The following SOX5 variants were observed in gnomAD, a reference collection of about 807,000 sequenced individuals.
SOX5 encodes SRY-box transcription factor 5, also known as transcription factor SOX-5.
Under a neutral mutation model 92.0 loss-of-function variants are expected in SOX5, and 9 were observed. The ratio of observed to expected loss-of-function variants is 0.10; its 90% CI spans 0.06 to 0.17. SOX5 has a LOEUF of 0.17. Among genes scored for constraint, SOX5 ranks in the 10% least tolerant of loss-of-function variants. The probability of loss-of-function intolerance (pLI) is 1.00; values close to 1 mark genes in which losing one functional copy is unlikely to be tolerated. For missense variants in SOX5, 642 were observed against 944.5 expected, an observed-to-expected ratio of 0.68 and a Z score of 4.20; for synonymous variants, 344 against 336.3, an observed-to-expected ratio of 1.02 and a Z score of -0.25.
At chr12:24,492,537 C>A (rs535888409) in intron 1 of SOX5, among the ~76,000 whole-genome samples, 15 of 152,216 alleles carry the variant, frequency 9.9e-5, no homozygotes, top group Non-Finnish European at 1.9e-4. Context: ...GAAAAGCAAT[C>A]ATTTCATAGA....
chr12:23,927,147 T>G (rs1194213708), intron 1 of SOX5, among the ~76,000 whole-genome samples: 2 of 152,138 alleles, frequency 1.3e-5, no homozygotes, highest in African/African-American at 4.8e-5. Context: ...TAAAACATTC[T>G]TATAAATTAG....
chr12:24,374,390 A>C (rs534059109), intron 1 of SOX5, among the ~76,000 whole-genome samples: 5 of 152,310 alleles, frequency 3.3e-5, no homozygotes, highest in Admixed American at 3.3e-4. Flanking sequence ...TAAAGGAAGG[A>C]AAACGTCTGG....
rs116354292 is a variant in SOX5 at position 24,398,739 on chromosome 12, A to G, written c.-250-30100T>C. Among the ~76,000 whole-genome samples, 784 of 152,296 alleles carry G rather than the reference A, an allele frequency of 5.1e-3. 12 individuals carry two copies. Among genetic ancestry groups the G allele is most frequent in the African/African-American group, 0.018 (741 of 41,562 alleles). ...CTTCTGTTTTGACTATGCATTGATAAACCCACATCCTCTGCTATTATTGCA... is the reference window on the plus strand; with the variant it reads ...CTTCTGTTTTGACTATGCATTGATAGACCCACATCCTCTGCTATTATTGCA... On this transcript the variant is annotated intron_variant, in intron 1 of 4. Coordinates refer to the SOX5 transcript ENST00000446891.
chr12:23,680,989 T>C (rs533856353), intron 6 of SOX5, among the ~76,000 whole-genome samples: 4 of 152,152 alleles, frequency 2.6e-5, no homozygotes, highest in Non-Finnish European at 4.4e-5. Flanking sequence ...AAAGGGAACC[T>C]AGAAGAAATA....
At chr12:24,218,460 A>G (rs1310254378) in intron 3 of SOX5, among the ~76,000 whole-genome samples, 1 of 152,172 alleles carries the variant, frequency 6.6e-6, no homozygotes, top group Non-Finnish European at 1.5e-5. Context: ...ATCAACGGCT[A>G]CCTAGAGTTA....
intron 6 of SOX5, among the ~76,000 whole-genome samples, chr12:23,695,556 T>C (rs2089662361): frequency 6.6e-6 from 1 of 152,190 alleles, no homozygotes; most frequent in South Asian, 2.1e-4. Context: ...ATAATGATTC[T>C]ATTGATAATG....
At chr12:24,143,012 C>T (rs1303736974) in intron 4 of SOX5, among the ~76,000 whole-genome samples, 1 of 152,086 alleles carries the variant, frequency 6.6e-6, no homozygotes, top group African/African-American at 2.4e-5. Flanking sequence ...GGGGTTTACA[C>T]AGGCTAGGAA....
chr12:24,047,315 T>C (rs1957140150), intron 4 of SOX5, among the ~76,000 whole-genome samples: 1 of 152,182 alleles, frequency 6.6e-6, no homozygotes, highest in African/African-American at 2.4e-5. Context: ...TACTTCTGCC[T>C]CAGAAAAATA....
intron 6 of SOX5, among the ~76,000 whole-genome samples, chr12:23,709,081 C>T (rs2091771451): frequency 6.6e-6 from 1 of 151,960 alleles, no homozygotes; most frequent in Admixed American, 6.6e-5. Context: ...AAAATGGGTT[C>T]AGGGAATCTT....
intron 1 of SOX5, among the ~76,000 whole-genome samples, chr12:24,554,415 A>T (rs745599658): frequency 1.3e-5 from 2 of 152,224 alleles, no homozygotes; most frequent in Admixed American, 6.5e-5. Flanking sequence ...AAGTAGAGAC[A>T]TTGAAGCAAC....
At chr12:23,899,246 A>T (rs2097207756) in intron 1 of SOX5, among the ~76,000 whole-genome samples, 1 of 152,070 alleles carries the variant, frequency 6.6e-6, no homozygotes, top group South Asian at 2.1e-4. Context: ...TACTAAAAAT[A>T]CAAAATTAGC....
intron 3 of SOX5, among the ~76,000 whole-genome samples, chr12:24,236,908 TC>T (rs1438174606): frequency 7.4e-6 from 1 of 134,636 alleles, no homozygotes; most frequent in Non-Finnish European, 1.7e-5. Context: ...TATCCACAAC[TC>T]AAAAAAAAAA....
At chr12:24,547,410 C>T (rs1345809602) in intron 1 of SOX5, among the ~76,000 whole-genome samples, 1 of 151,684 alleles carries the variant, frequency 6.6e-6, no homozygotes, top group Non-Finnish European at 1.5e-5. Context: ...CCAGGATGGT[C>T]TCGATCTCCT....
chr12:23,544,792 G>A (rs933029411), intron 12 of SOX5, among the ~76,000 whole-genome samples: 1 of 152,114 alleles, frequency 6.6e-6, no homozygotes, highest in African/African-American at 2.4e-5. Flanking sequence ...GTTATTACCC[G>A]TAATTGTCTT....
rs113088137 is a variant in SOX5 at position 24,182,033 on chromosome 12, G to A, written c.-2+31310C>T. On this transcript the variant is annotated intron_variant, in intron 4 of 4. Transcript: ENST00000446891. Reference sequence around the variant, plus strand: ...AGCACTTCTATGTAGAATTAAGTTAGAAGTAAGTTCACAGGTTATAAAACA... The same window carrying A: ...AGCACTTCTATGTAGAATTAAGTTAAAAGTAAGTTCACAGGTTATAAAACA... 4.0e-3 allele frequency among the ~76,000 whole-genome samples: 614 copies of A among 152,192 alleles called. 4 individuals are homozygous for A. The highest frequency in any genetic ancestry group is 0.021 in the South Asian group (99 of 4,822).
intron 4 of SOX5, among the ~76,000 whole-genome samples, chr12:24,179,164 A>G (rs2139249527): frequency 6.6e-6 from 1 of 152,366 alleles, no homozygotes; most frequent in South Asian, 2.1e-4. Context: ...TAAACATTTA[A>G]CATTGTAGAG....
At chr12:23,837,076 G>A (rs762119635) in intron 3 of SOX5, among the ~76,000 whole-genome samples, 12 of 149,874 alleles carry the variant, frequency 8.0e-5, no homozygotes, top group Middle Eastern at 3.5e-3. Flanking sequence ...CTTAGATGAT[G>A]TAAGGTTTTG....
intron 8 of SOX5, among the ~76,000 whole-genome samples, chr12:23,615,735 C>T (rs1265557980): frequency 6.6e-6 from 1 of 152,044 alleles, no homozygotes; most frequent in Non-Finnish European, 1.5e-5. Context: ...CCACATTTAT[C>T]CAATTTATAT....
chr12:23,922,123 T>C (rs1938472345), intron 1 of SOX5, among the ~76,000 whole-genome samples: 1 of 152,182 alleles, frequency 6.6e-6, no homozygotes, highest in African/African-American at 2.4e-5. Context: ...CCAGCTAGTG[T>C]GTTCGTCCTT....
Sources: gnomAD v4.1 joint callset for allele counts (sites outside exome capture counted in the v4.1 genomes callset) on GRCh38, gnomAD v4.1.1 for gene constraint, MANE v1.5 for transcripts, NCBI Gene and HGNC (gene_info 2026-07-23, HGNC 2026-07-21) for gene names.